SMAP2: variants seen among roughly 807,000 people sequenced by gnomAD.
SMAP2 encodes small ArfGAP2, also known as stromal membrane-associated protein 2.
SMAP2 carries 25 observed loss-of-function variants against 56.4 expected under a neutral mutation model. The observed-to-expected ratio is 0.44, with a 90% CI of 0.32 to 0.62. The LOEUF is 0.62. Ranked by LOEUF, SMAP2 falls within the 20% of genes least tolerant of loss-of-function variation. The pLI is 0.04. For synonymous variants in SMAP2, 157 were observed against 181.7 expected (o/e 0.86, Z 1.09); for missense variants, 388 against 545.6 (o/e 0.71, Z 2.88).
chr1:40,351,970 C>T (rs1002939203), intron 1 of SMAP2, among the ~76,000 whole-genome samples: 1 of 152,008 alleles, frequency 6.6e-6, no homozygotes, highest in African/African-American at 2.4e-5. Flanking sequence ...TATGCACATC[C>T]CTGCAAATCT....
At chr1:40,406,688 T>A in intron 1 of SMAP2, 48 bp from the exon 2 acceptor site, 1 of 1,567,380 alleles carries the variant, frequency 6.4e-7, no homozygotes, top group Non-Finnish European at 8.7e-7. Flanking sequence ...AGTTTAGGCC[T>A]TGAATGTTGT....
intron 1 of SMAP2, among the ~76,000 whole-genome samples, chr1:40,353,102 C>T (rs971282638): frequency 1.3e-5 from 2 of 152,184 alleles, no homozygotes; most frequent in African/African-American, 4.8e-5. Flanking sequence ...TAAGGGCTTT[C>T]CTGGTGTCCT....
rs775408458 is a variant in SMAP2, at chr1:40,360,004, C to CTTTT, written c.-82-2279_-82-2276dup. On this transcript the variant is annotated intron_variant, in intron 1 of 6. Transcript: ENST00000435168. ...ACAGACTTTTTTCTTCTTCTTCTTT[C>CTTTT]TTTTTTTTTTTTTTTTTTTTGAGAT... 2.5e-3 allele frequency among the ~76,000 whole-genome samples: 256 copies of CTTTT among 102,464 alleles called. 1 individual carries two copies. The highest frequency in any genetic ancestry group is 3.7e-3 in the East Asian group (12 of 3,272). The allele number at this position is 102,464 out of a possible 152,430, so 67.2% of individuals were successfully genotyped here. A position where few individuals can be genotyped will look rare whatever the true frequency, so the allele number is the denominator to read the frequency against.
intron 2 of SMAP2, among the ~76,000 whole-genome samples, chr1:40,363,810 G>T (rs1267339657): frequency 6.6e-6 from 1 of 152,224 alleles, no homozygotes; most frequent in East Asian, 1.9e-4. Flanking sequence ...TGCAGTGATT[G>T]TGGGACTTTA....
upstream of SMAP2, among the ~76,000 whole-genome samples, chr1:40,373,143 T>C (rs925939370): frequency 2.6e-5 from 4 of 152,168 alleles, no homozygotes; most frequent in Admixed American, 6.5e-5. Flanking sequence ...ACAAACTGTC[T>C]GGGCACCAGG....
intron 1 of SMAP2, among the ~76,000 whole-genome samples, chr1:40,381,830 A>G (rs750307707): frequency 5.9e-5 from 9 of 152,342 alleles, no homozygotes; most frequent in Non-Finnish European, 1.3e-4. Context: ...AGGTCTGAGC[A>G]TGGTGCCGAT....
intron 1 of SMAP2, among the ~76,000 whole-genome samples, chr1:40,376,943 A>T (rs752796682): frequency 2.6e-4 from 39 of 152,168 alleles, no homozygotes; most frequent in Non-Finnish European, 5.4e-4. Context: ...AAATTCTTAT[A>T]CTTATTTAGG....
chr1:40,377,933 T>G (rs185789573), intron 1 of SMAP2, among the ~76,000 whole-genome samples: 1 of 152,334 alleles, frequency 6.6e-6, no homozygotes, highest in Admixed American at 6.5e-5. Flanking sequence ...AATGTTGTAG[T>G]GCTTGCATAT....
chr1:40,370,928 A>G (rs1644493653), upstream of SMAP2, among the ~76,000 whole-genome samples: 1 of 151,876 alleles, frequency 6.6e-6, no homozygotes, highest in African/African-American at 2.4e-5. Flanking sequence ...TAATCCTAGT[A>G]CTTTGGGAGG....
chr1:40,417,106 C>T lies in SMAP2; in HGVS notation c.1164+10C>T, dbSNP rs564778906. Reference sequence around the variant, plus strand: ...ATGGAACCTTACTCAGGTAAGCTACCCCATTTTACTTGCAGCAAGAGTTTT... The same window carrying T: ...ATGGAACCTTACTCAGGTAAGCTACTCCATTTTACTTGCAGCAAGAGTTTT... On this transcript the variant is annotated intron_variant, in intron 9 of 9. Coordinates refer to ENST00000372718, the MANE Select transcript of SMAP2 (RefSeq NM_022733.3). 6.3e-6 allele frequency: 10 copies of T among 1,585,116 alleles called. No homozygotes were observed. The highest frequency in any genetic ancestry group is 7.8e-6 in the Non-Finnish European group (9 of 1,158,336).
At chr1:40,380,545 T>TTTTTTTTTTG (rs1241740269) in intron 1 of SMAP2, among the ~76,000 whole-genome samples, 1 of 151,860 alleles carries the variant, frequency 6.6e-6, no homozygotes, top group Admixed American at 6.6e-5. Context: ...TTTTTTCTCT[T>TTTTTTTTTTG]TTGAGATGGA....
At chr1:40,400,723 A>G (rs1057422021) in intron 1 of SMAP2, among the ~76,000 whole-genome samples, 9 of 152,228 alleles carry the variant, frequency 5.9e-5, no homozygotes, top group African/African-American at 2.2e-4. Context: ...GAAAATGTGC[A>G]CCAATTTACA....
chr1:40,370,700 C>A (rs1194975646), upstream of SMAP2, among the ~76,000 whole-genome samples: 1 of 105,170 alleles, frequency 9.5e-6, no homozygotes, highest in Non-Finnish European at 1.8e-5. Flanking sequence ...ACTCTGGGGA[C>A]TGTGGTGGGG....
At chr1:40,371,000 C>G (rs1318963495), upstream of SMAP2, among the ~76,000 whole-genome samples, 1 of 152,056 alleles carries the variant, frequency 6.6e-6, no homozygotes, top group Non-Finnish European at 1.5e-5. Context: ...GGGTGAAACC[C>G]TGCCTCTATT....
At chr1:40,409,170 A>G (rs1364342719) in intron 3 of SMAP2, among the ~76,000 whole-genome samples, 4 of 152,254 alleles carry the variant, frequency 2.6e-5, no homozygotes, top group Non-Finnish European at 5.9e-5. Flanking sequence ...TCAATAACCA[A>G]TAACTTTCTT....
chr1:40,391,533 C>A (rs910650618), intron 1 of SMAP2, among the ~76,000 whole-genome samples: 2 of 152,024 alleles, frequency 1.3e-5, no homozygotes, highest in African/African-American at 4.8e-5. Flanking sequence ...CCTAGGAAGG[C>A]CCTGGGATTG....
rs1381419451 is a variant in SMAP2, at chr1:40,374,246, C to T, written c.103+23C>T. ...AAGGTAGCGCATCCCACCTGGCGGG[C>T]CAGGGGTCCAGCCGCGCCGGGGTGG... On this transcript the variant is annotated intron_variant, in intron 1 of 9. Transcript: ENST00000372718. The surrounding 1 kb of genome is among the most constrained non-coding windows in gnomAD (Gnocchi z 5.9). The T allele has an allele frequency of 1.9e-6, 3 of 1,585,254 alleles. No individual in the cohort carries two copies. The highest frequency in any genetic ancestry group is 2.6e-6 in the Non-Finnish European group (3 of 1,162,788).
intron 1 of SMAP2, among the ~76,000 whole-genome samples, chr1:40,345,771 C>G (rs186352790): frequency 6.7e-6 from 1 of 149,912 alleles, no homozygotes; most frequent in Non-Finnish European, 1.5e-5. Context: ...TATAATATAA[C>G]GTTAAATTTG....
intron 2 of SMAP2, among the ~76,000 whole-genome samples, chr1:40,407,699 T>C (rs895684281): frequency 6.6e-6 from 1 of 152,174 alleles, no homozygotes; most frequent in Non-Finnish European, 1.5e-5. Context: ...TTAGATAACA[T>C]TTAAAATTTC....
Sources: gnomAD v4.1 joint callset for allele counts (sites outside exome capture counted in the v4.1 genomes callset) on GRCh38, gnomAD v4.1.1 for gene constraint, Gnocchi (gnomAD v3.1) non-coding constraint, MANE v1.5 for transcripts, NCBI Gene and HGNC (gene_info 2026-07-23, HGNC 2026-07-21) for gene names.